CARF: variants seen among roughly 807,000 people sequenced by gnomAD.
CARF encodes calcium responsive transcription factor.
In CARF, 57 loss-of-function variants were observed where a neutral mutation model predicts 82.0. That is an observed-to-expected ratio of 0.70 (90% CI 0.56 to 0.87). CARF has a LOEUF of 0.87. Ranked by LOEUF, CARF falls within the 40% of genes least tolerant of loss-of-function variation. The pLI is 0.00. For missense variants in CARF, 771 were observed against 855.8 expected, an observed-to-expected ratio of 0.90 and a Z score of 1.24; for synonymous variants, 268 against 290.1, an observed-to-expected ratio of 0.92 and a Z score of 0.77.
rs1055506140 is a variant in CARF at position 202,987,685 on chromosome 2, C to G, written c.*4061C>G. Among the ~76,000 whole-genome samples, 1 of 152,016 alleles carries G rather than the reference C, an allele frequency of 6.6e-6. No homozygotes were observed. The highest frequency in any genetic ancestry group is 1.9e-4 in the East Asian group (1 of 5,196). ...TTATTAATGGATGCTAAAGTGATTC[C>G]TGAGAAAAATAATGTGTATGGTTAA... On this transcript the variant is annotated 3_prime_UTR_variant, in exon 17 of 17. Transcript: ENST00000438828.
chr2:202,917,483 T>A (rs1689960889), intron 1 of CARF, among the ~76,000 whole-genome samples: 1 of 152,068 alleles, frequency 6.6e-6, no homozygotes, highest in Non-Finnish European at 1.5e-5. Flanking sequence ...AATTCTAGGG[T>A]TTGGGAGGTA....
Position 202,971,752 on chromosome 2 carries a change from G to A in CARF, c.1331+14G>A, listed in dbSNP as rs1263218695. On this transcript the variant is annotated intron_variant, in intron 12 of 16. Transcript: ENST00000438828. ...GAAACAGCTAAGGTACAATAGAAGA[G>A]CATTGTTCTTTTACATTTTTCAGTT... The A allele has an allele frequency of 6.4e-7, 1 of 1,570,954 alleles. No individual in the cohort carries two copies. The highest frequency in any genetic ancestry group is 1.7e-5 in the Admixed American group (1 of 59,442).
chr2:202,931,049 A>G (rs1219808424), intron 3 of CARF, among the ~76,000 whole-genome samples: 1 of 133,338 alleles, frequency 7.5e-6, no homozygotes, highest in Non-Finnish European at 1.5e-5. Context: ...GTCTCGGCTC[A>G]CCACAACCTC....
At chr2:202,936,274 C>G (rs1040472754) in intron 3 of CARF, among the ~76,000 whole-genome samples, 12 of 152,080 alleles carry the variant, frequency 7.9e-5, no homozygotes, top group African/African-American at 2.9e-4. Context: ...TACTATTTTA[C>G]TTTTTTTAAT....
chr2:202,919,914 G>C (rs201336466), intron 2 of CARF, among the ~76,000 whole-genome samples: 1 of 147,518 alleles, frequency 6.8e-6, no homozygotes, highest in Non-Finnish European at 1.5e-5. Context: ...ATTGTCAAAA[G>C]GGTTAAATGA....
Position 202,987,149 on chromosome 2 carries a change from G to T in CARF, c.*3525G>T, listed in dbSNP as rs888744470. 1 of 151,154 alleles carries T rather than the reference G, an allele frequency of 6.6e-6. No individual in the cohort carries two copies. The highest frequency in any genetic ancestry group is 2.4e-5 in the African/African-American group (1 of 41,120). The allele number at this position is 151,154 out of a possible 1,614,324, so 9.4% of individuals were successfully genotyped here. On this transcript the variant is annotated 3_prime_UTR_variant, in exon 17 of 17. Transcript: ENST00000438828. ...GTAACTCCTGTTAGCATTACATTTTGGGGAGACATATATGCATTTAATACC... is the reference window on the plus strand; with the variant it reads ...GTAACTCCTGTTAGCATTACATTTTTGGGAGACATATATGCATTTAATACC...
intron 3 of CARF, among the ~76,000 whole-genome samples, chr2:202,926,233 G>A (rs962624614): frequency 1.3e-5 from 2 of 152,120 alleles, no homozygotes; most frequent in African/African-American, 4.8e-5. Context: ...CCACCCTTAA[G>A]GGAACCTAGG....
chr2:202,948,229 A>T (rs2058591228), intron 5 of CARF, among the ~76,000 whole-genome samples: 1 of 152,190 alleles, frequency 6.6e-6, no homozygotes, highest in Non-Finnish European at 1.5e-5. Context: ...TTTTCATACC[A>T]GTACCATGCT....
Position 202,985,345 on chromosome 2 carries a change from CTGT to C in CARF, c.*1723_*1725del, listed in dbSNP as rs2060398802. On this transcript the variant is annotated 3_prime_UTR_variant, in exon 17 of 17. Transcript: ENST00000438828. ...ATGACATGTATCTAAATATAAAGTA[CTGT>C]TATAGTAGAGGTAGGTGGAATTCTA... The C allele has an allele frequency of 6.6e-6, 1 of 151,892 alleles. No homozygotes were observed. The highest frequency in any genetic ancestry group is 1.5e-5 in the Non-Finnish European group (1 of 67,970). 9.4% of individuals were successfully genotyped at this position (151,892 alleles called of 1,614,324 possible). A position where few individuals can be genotyped will look rare whatever the true frequency, so the allele number is the denominator to read the frequency against.
rs939212476 is a variant in CARF, at chr2:202,983,886, A to C, written c.*262A>C. ...GTATTTCAAAAGCTGTTCTGAATTT[A>C]TCCACAGTAATATAGTCTGAACACA... On this transcript the variant is annotated 3_prime_UTR_variant, in exon 17 of 17. Coordinates refer to ENST00000438828, the MANE Select transcript of CARF (RefSeq NM_024744.17). The C allele has an allele frequency of 2.4e-4, 88 of 367,006 alleles. 1 individual carries two copies. The highest frequency in any genetic ancestry group is 1.6e-3 in the Middle Eastern group (2 of 1,276). 22.7% of individuals were successfully genotyped at this position (367,006 alleles called of 1,614,324 possible).
At chr2:202,918,564 C>A (rs1185461941) in intron 2 of CARF, among the ~76,000 whole-genome samples, 1 of 151,892 alleles carries the variant, frequency 6.6e-6, no homozygotes, top group East Asian at 1.9e-4. Context: ...CAAAAAAAAA[C>A]TTTACTTTGA....
chr2:202,935,850 T>C (rs1235531169), intron 3 of CARF, among the ~76,000 whole-genome samples: 1 of 152,162 alleles, frequency 6.6e-6, no homozygotes, highest in Non-Finnish European at 1.5e-5. Context: ...AGAGTCTCAC[T>C]CTGTTGCACA....
At chr2:202,917,001 G>A (rs1689800819) in intron 1 of CARF, among the ~76,000 whole-genome samples, 1 of 152,022 alleles carries the variant, frequency 6.6e-6, no homozygotes, top group Non-Finnish European at 1.5e-5. Flanking sequence ...ACGAAGTCAG[G>A]AGATCGAGAC....
chr2:202,915,246 A>T (rs1333476056), intron 1 of CARF, among the ~76,000 whole-genome samples: 1 of 151,356 alleles, frequency 6.6e-6, no homozygotes, highest in Non-Finnish European at 1.5e-5. Context: ...CGATCCCCTG[A>T]CCTTGTGATC....
intron 4 of CARF, 22 bp from the exon 5 acceptor site, chr2:202,942,718 A>ATTTTT: frequency 7.1e-7 from 1 of 1,406,854 alleles, no homozygotes. Context: ...GACTGAAGTG[A>ATTTTT]TTTTTTTTTT....
At chr2:202,982,571 TGA>T in intron 16 of CARF, 130 bp downstream of exon 16, 1 of 955,916 alleles carries the variant, frequency 1.0e-6, no homozygotes, top group Non-Finnish European at 1.5e-6. Context: ...AGCAAAATTA[TGA>T]GAGAGAAGGA....
chr2:202,965,445 C>G (rs2059508121), intron 9 of CARF, among the ~76,000 whole-genome samples: 5 of 151,996 alleles, frequency 3.3e-5, no homozygotes, highest in Admixed American at 3.3e-4. Flanking sequence ...TTTGCATTTC[C>G]CTGTTTACTT....
At chr2:202,973,174 T>C (rs1354698704) in intron 12 of CARF, among the ~76,000 whole-genome samples, 1 of 152,224 alleles carries the variant, frequency 6.6e-6, no homozygotes, top group African/African-American at 2.4e-5. Flanking sequence ...GAGCTTACTG[T>C]AATTCCTAGA....
In CARF at chr2:202,986,891, T is replaced by TATATACATATATATATAC. The variant is rs2060462779; in HGVS notation, c.*3272_*3273insCATATATATATACATATA. The TATATACATATATATATAC allele has an allele frequency of 1.2e-5, 1 of 82,958 alleles. No individual in the cohort carries two copies. The highest frequency in any genetic ancestry group is 6.8e-4 in the South Asian group (1 of 1,464). 5.1% of individuals were successfully genotyped at this position (82,958 alleles called of 1,614,324 possible). On this transcript the variant is annotated 3_prime_UTR_variant, in exon 17 of 17. Transcript: ENST00000438828. ...GCGTATATATATATATATATATATA[T>TATATACATATATATATAC]ATATATATATATATATAGCAACTTG...
Sources: gnomAD v4.1 joint callset for allele counts (sites outside exome capture counted in the v4.1 genomes callset) on GRCh38, gnomAD v4.1.1 for gene constraint, MANE v1.5 for transcripts, NCBI Gene and HGNC (gene_info 2026-07-23, HGNC 2026-07-21) for gene names.